Variants in RGS6 observed in about 807,000 individuals in gnomAD.
RGS6 encodes regulator of G protein signaling 6, also known as regulator of G-protein signaling 6.
RGS6 carries 30 observed loss-of-function variants against 78.5 expected under a neutral mutation model. The ratio of observed to expected loss-of-function variants is 0.38; its 90% confidence interval spans 0.29 to 0.52. The LOEUF is 0.52. Ranked by LOEUF, RGS6 falls within the 20% of genes least tolerant of loss-of-function variation. The pLI is 0.85. For synonymous variants in RGS6, 206 were observed against 206.0 expected (o/e 1.00, Z 0.00); for missense variants, 495 against 609.7 (o/e 0.81, Z 1.98).
intron 1 of RGS6, among the ~76,000 whole-genome samples, chr14:71,938,937 G>A (rs938060304): frequency 6.6e-6 from 1 of 152,102 alleles, no homozygotes; most frequent in Non-Finnish European, 1.5e-5. Context: ...ACCTATGGGC[G>A]CCTGCCAAAG....
the RGS6 span, among the ~76,000 whole-genome samples, chr14:72,580,113 T>C: frequency 1.3e-5 from 2 of 152,342 alleles, no homozygotes; most frequent in South Asian, 2.1e-4. Context: ...CCATCCAACC[T>C]CTTAATTCAG....
intron 2 of RGS6, among the ~76,000 whole-genome samples, chr14:72,215,694 C>T (rs1412379336): frequency 2.0e-5 from 3 of 152,060 alleles, no homozygotes; most frequent in Non-Finnish European, 4.4e-5. Context: ...TGTGGAATGC[C>T]GAGAAAGGTA....
intron 2 of RGS6, among the ~76,000 whole-genome samples, chr14:72,317,480 G>A (rs1007482372): frequency 2.6e-5 from 4 of 152,028 alleles, no homozygotes; most frequent in Admixed American, 6.5e-5. Context: ...CGTTTGCCTC[G>A]ACTCTCTATT....
chr14:72,153,714 G>T (rs1413416781), intron 2 of RGS6, among the ~76,000 whole-genome samples: 4 of 152,152 alleles, frequency 2.6e-5, no homozygotes, highest in Non-Finnish European at 5.9e-5. Flanking sequence ...AAAAGGGGAG[G>T]GGGTGTACGA....
chr14:72,109,769 A>G (rs942458311), intron 2 of RGS6, among the ~76,000 whole-genome samples: 1 of 152,236 alleles, frequency 6.6e-6, no homozygotes, highest in African/African-American at 2.4e-5. Flanking sequence ...CATAAAAAAT[A>G]TGTTGACCCT....
At chr14:72,042,123 CTTTTTCTTTT>C (rs1034321532) in intron 2 of RGS6, among the ~76,000 whole-genome samples, 7 of 124,306 alleles carry the variant, frequency 5.6e-5, no homozygotes, top group African/African-American at 1.1e-4. Context: ...TTTTCTTTTT[CTTTTTCTTTT>C]TTTTTTTTTT....
At chr14:72,250,190 T>C (rs1044502147) in intron 2 of RGS6, among the ~76,000 whole-genome samples, 14 of 151,786 alleles carry the variant, frequency 9.2e-5, no homozygotes, top group African/African-American at 3.4e-4. Flanking sequence ...TGTATACATA[T>C]GTAACTAACC....
chr14:72,040,038 A>G (rs1485029733), intron 2 of RGS6, among the ~76,000 whole-genome samples: 1 of 151,920 alleles, frequency 6.6e-6, no homozygotes, highest in African/African-American at 2.4e-5. Context: ...ACCTTTTTAT[A>G]TTGCATATCC....
At chr14:72,298,291 A>G (rs1408728964) in intron 2 of RGS6, among the ~76,000 whole-genome samples, 2 of 151,984 alleles carry the variant, frequency 1.3e-5, no homozygotes, top group Non-Finnish European at 2.9e-5. Context: ...AGGATGTTAA[A>G]CAGCCTTTCA....
chr14:72,366,656 C>T (rs993577698), intron 3 of RGS6, among the ~76,000 whole-genome samples: 2 of 152,158 alleles, frequency 1.3e-5, no homozygotes, highest in South Asian at 2.1e-4. Context: ...CTACCAATCC[C>T]TTTTCAGGAC....
chr14:72,103,724 CTCCCGGAAGTA>C (rs1299605558), intron 2 of RGS6, among the ~76,000 whole-genome samples: 1 of 152,184 alleles, frequency 6.6e-6, no homozygotes, highest in African/African-American at 2.4e-5. Flanking sequence ...GGAGACAGGG[CTCCCGGAAGTA>C]TGCTGGAAGC....
the RGS6 span, among the ~76,000 whole-genome samples, chr14:71,897,228 A>AAT: frequency 6.6e-6 from 1 of 152,228 alleles, no homozygotes; most frequent in Non-Finnish European, 1.5e-5. Flanking sequence ...GCAAGGCAGC[A>AAT]TTGGTGAAGT....
At chr14:72,369,827 A>T (rs886301787) in intron 3 of RGS6, among the ~76,000 whole-genome samples, 1 of 152,182 alleles carries the variant, frequency 6.6e-6, no homozygotes, top group Non-Finnish European at 1.5e-5. Flanking sequence ...TGATGGAATT[A>T]AATCAATTAG....
At chr14:72,371,392 G>A (rs1596366855) in intron 3 of RGS6, among the ~76,000 whole-genome samples, 1 of 152,126 alleles carries the variant, frequency 6.6e-6, no homozygotes, top group Non-Finnish European at 1.5e-5. Context: ...GGAAAAGACA[G>A]GCAGTTTATT....
intron 2 of RGS6, among the ~76,000 whole-genome samples, chr14:71,976,059 TTTAA>T (rs1227302462): frequency 2.0e-5 from 3 of 151,932 alleles, no homozygotes; most frequent in African/African-American, 4.8e-5. Context: ...AAAATTTTCA[TTTAA>T]TTTTCTTTTT....
chr14:72,070,219 G>T (rs945811994), intron 2 of RGS6, among the ~76,000 whole-genome samples: 1 of 151,998 alleles, frequency 6.6e-6, no homozygotes, highest in East Asian at 1.9e-4. Context: ...ACTGTGAGCT[G>T]TTCATTTTTC....
At chr14:72,204,059 A>G (rs1027614763) in intron 2 of RGS6, among the ~76,000 whole-genome samples, 1 of 151,996 alleles carries the variant, frequency 6.6e-6, no homozygotes, top group Admixed American at 6.6e-5. Flanking sequence ...CCTGACCTCC[A>G]GTGATCTGCC....
intron 2 of RGS6, among the ~76,000 whole-genome samples, chr14:72,105,246 C>A (rs944076584): frequency 6.6e-6 from 1 of 152,156 alleles, no homozygotes; most frequent in South Asian, 2.1e-4. Flanking sequence ...GTGGTTTTGC[C>A]TCTAATAAAT....
chr14:72,120,754 TA>T (rs1218442744), intron 2 of RGS6, among the ~76,000 whole-genome samples: 3 of 152,044 alleles, frequency 2.0e-5, no homozygotes, highest in Admixed American at 1.3e-4. Context: ...AAAACGAATC[TA>T]GGGGGAAAGA....
Sources: allele counts gnomAD v4.1 joint callset (sites outside exome capture counted in the v4.1 genomes callset), GRCh38; gene constraint gnomAD v4.1.1; transcripts MANE v1.5; gene names NCBI Gene and HGNC (gene_info 2026-07-23, HGNC 2026-07-21).